Variants in EDIL3 observed in about 807,000 individuals in gnomAD.
The protein encoded by EDIL3 is EGF-like repeat and discoidin I-like domain-containing protein 3.
In EDIL3, 37 loss-of-function variants were observed where a neutral mutation model predicts 67.4. The ratio of observed to expected loss-of-function variants is 0.55; its 90% confidence interval spans 0.42 to 0.72. The LOEUF (loss-of-function observed/expected upper bound fraction) is 0.72, where lower values mean the gene tolerates loss of function less well. EDIL3 is among the 30% of genes least tolerant of loss of function. The pLI is 0.00. For missense variants in EDIL3, 527 were observed against 586.3 expected (o/e 0.90, Z 1.04); for synonymous variants, 195 against 196.3 (o/e 0.99, Z 0.05).
In EDIL3 at chr5:84,141,952, G is replaced by GATCGATCGATCTATCT. The variant is rs71605902; in HGVS notation, c.356-4599_356-4598insAGATAGATCGATCGAT. Reference sequence around the variant, plus strand: ...ATATATATATATATATATATACATAGATCTATCTATCTATCTATCTATCTA... The same window carrying GATCGATCGATCTATCT: ...ATATATATATATATATATATACATAGATCGATCGATCTATCTATCTATCTATCTATCTATCTATCTA... On this transcript the variant is annotated intron_variant, in intron 4 of 10. Transcript: ENST00000296591. Among the ~76,000 whole-genome samples the GATCGATCGATCTATCT allele has an allele frequency of 3.3e-3, 355 of 108,356 alleles. 6 individuals are homozygous for GATCGATCGATCTATCT. The highest frequency in any genetic ancestry group is 9.2e-3 in the African/African-American group (252 of 27,366). 71.1% of individuals were successfully genotyped at this position (108,356 alleles called of 152,430 possible). A position where few individuals can be genotyped will look rare whatever the true frequency, so the allele number is the denominator to read the frequency against.
chr5:84,192,601 C>T (rs925410036), intron 3 of EDIL3, among the ~76,000 whole-genome samples: 1 of 151,928 alleles, frequency 6.6e-6, no homozygotes, highest in Admixed American at 6.6e-5. Flanking sequence ...TACCATGTTA[C>T]ATACTATTTC....
chr5:84,170,390 G>A (rs936098943), intron 4 of EDIL3, among the ~76,000 whole-genome samples: 10 of 152,176 alleles, frequency 6.6e-5, no homozygotes, highest in African/African-American at 2.4e-4. Context: ...GCTTGACCTT[G>A]ACCTTAGACC....
intron 9 of EDIL3, among the ~76,000 whole-genome samples, chr5:84,040,496 G>A (rs1746100502): frequency 6.8e-6 from 1 of 146,780 alleles, no homozygotes; most frequent in Non-Finnish European, 1.5e-5. Context: ...ATATATAAAG[G>A]GTATATATAG....
chr5:84,379,564 TGAA>T (rs1291481898), intron 1 of EDIL3, among the ~76,000 whole-genome samples: 1 of 152,158 alleles, frequency 6.6e-6, no homozygotes, highest in African/African-American at 2.4e-5. Flanking sequence ...ATAGTTCATA[TGAA>T]GAATAAGCTT....
chr5:83,968,434 A>G (rs1326038799), intron 9 of EDIL3, among the ~76,000 whole-genome samples: 34 of 152,126 alleles, frequency 2.2e-4, no homozygotes. Context: ...TATTAAAAAT[A>G]CAATAACTAA....
At chr5:84,298,960 C>A (rs1746101903) in intron 1 of EDIL3, among the ~76,000 whole-genome samples, 1 of 152,120 alleles carries the variant, frequency 6.6e-6, no homozygotes, top group Non-Finnish European at 1.5e-5. Context: ...CCTCACATAG[C>A]CTCATTTGCG....
intron 1 of EDIL3, among the ~76,000 whole-genome samples, chr5:84,275,864 A>G (rs1263873025): frequency 6.6e-6 from 1 of 152,246 alleles, no homozygotes; most frequent in Non-Finnish European, 1.5e-5. Flanking sequence ...ATGCAAAAGT[A>G]ATTGTTGAGC....
chr5:84,242,876 A>G (rs1184134974), intron 2 of EDIL3, among the ~76,000 whole-genome samples: 3 of 151,644 alleles, frequency 2.0e-5, no homozygotes, highest in Admixed American at 6.6e-5. Context: ...CCATATGTGT[A>G]ACAGGCACAG....
chr5:84,212,650 G>T (rs1192268158), intron 3 of EDIL3, among the ~76,000 whole-genome samples: 1 of 152,172 alleles, frequency 6.6e-6, no homozygotes, highest in South Asian at 2.1e-4. Context: ...TAAAAGGCTG[G>T]ATACATTTTG....
chr5:84,212,734 A>G (rs1303279095), intron 3 of EDIL3, among the ~76,000 whole-genome samples: 1 of 152,194 alleles, frequency 6.6e-6, no homozygotes, highest in Non-Finnish European at 1.5e-5. Context: ...GAGAATAAGC[A>G]CAACATGTGT....
chr5:84,081,087 T>C (rs1379062955), intron 6 of EDIL3, among the ~76,000 whole-genome samples: 8 of 152,242 alleles, frequency 5.3e-5, no homozygotes, highest in African/African-American at 1.9e-4. Context: ...CCCCATTCAT[T>C]ACACAGCATG....
At chr5:84,158,584 A>G (rs1748535871) in intron 4 of EDIL3, among the ~76,000 whole-genome samples, 1 of 152,042 alleles carries the variant, frequency 6.6e-6, no homozygotes, top group Non-Finnish European at 1.5e-5. Flanking sequence ...CATATTCCTC[A>G]GTTGTGTAGT....
At chr5:84,268,878 T>C (rs1418180325) in intron 1 of EDIL3, among the ~76,000 whole-genome samples, 2 of 152,140 alleles carry the variant, frequency 1.3e-5, no homozygotes, top group African/African-American at 4.8e-5. Flanking sequence ...ACAAATTCTC[T>C]ATCATCCCAT....
chr5:84,230,290 T>C (rs1434635097), intron 2 of EDIL3, among the ~76,000 whole-genome samples: 2 of 152,142 alleles, frequency 1.3e-5, no homozygotes, highest in African/African-American at 4.8e-5. Context: ...ATCAATTTTC[T>C]ATTTGGCAAA....
chr5:84,200,244 G>A (rs1743803542), intron 3 of EDIL3, among the ~76,000 whole-genome samples: 1 of 151,978 alleles, frequency 6.6e-6, no homozygotes. Flanking sequence ...TTGTGCACAT[G>A]TACCCTAAAA....
chr5:84,027,802 CA>C (rs1478620937), intron 9 of EDIL3, among the ~76,000 whole-genome samples: 1 of 151,688 alleles, frequency 6.6e-6, no homozygotes, highest in African/African-American at 2.4e-5. Context: ...AGTCTGAACT[CA>C]AAAAAGAAAA....
At chr5:84,249,013 T>A (rs1744967633) in intron 2 of EDIL3, among the ~76,000 whole-genome samples, 1 of 152,162 alleles carries the variant, frequency 6.6e-6, no homozygotes, top group African/African-American at 2.4e-5. Context: ...AAGTTGAAAT[T>A]TTTTTAAACA....
intron 9 of EDIL3, among the ~76,000 whole-genome samples, chr5:83,986,884 G>C (rs1329811963): frequency 6.6e-6 from 1 of 152,072 alleles, no homozygotes; most frequent in Non-Finnish European, 1.5e-5. Flanking sequence ...CATGTGGCTG[G>C]AGCACACAAG....
At position 84,094,623 on chromosome 5, in the gene EDIL3, C is replaced by T. The variant is rs561362899; in HGVS notation, c.651+12026G>A. On this transcript the variant is annotated intron_variant, in intron 6 of 10. Coordinates refer to ENST00000296591, the MANE Select transcript of EDIL3 (RefSeq NM_005711.5). ...AAAACGTTTTTATACACATTACATA[C>T]AGACATATGAAATGAAATAGATGAT... Among the ~76,000 whole-genome samples the T allele has an allele frequency of 7.9e-5, 12 of 152,174 alleles. No homozygotes were observed. The Middle Eastern group carries it at 0.01, about 130-fold the overall frequency.
Sources: allele counts gnomAD v4.1 joint callset (sites outside exome capture counted in the v4.1 genomes callset), GRCh38; gene constraint gnomAD v4.1.1; transcripts MANE v1.5; gene names NCBI Gene and HGNC (gene_info 2026-07-23, HGNC 2026-07-21).